Variants in JADE3 observed in about 807,000 individuals in gnomAD.
JADE3 encodes the protein protein Jade-3.
JADE3 carries 2 observed loss-of-function variants against 50.1 expected under a neutral mutation model. That is an observed-to-expected ratio of 0.04 (90% CI 0.02 to 0.13). The LOEUF is 0.13. Ranked by LOEUF, JADE3 falls within the 10% of genes least tolerant of loss-of-function variation. The pLI is 1.00. For missense variants in JADE3, 475 were observed against 634.4 expected (o/e 0.75, Z 2.70); for synonymous variants, 218 against 232.9 (o/e 0.94, Z 0.58).
Position 47,058,369 on chromosome X carries a change from G to T in JADE3, c.1764G>T (p.Met588Ile). 1 of 1,211,003 alleles carries T rather than the reference G, an allele frequency of 8.3e-7. No individual in the cohort carries two copies. The highest frequency in any genetic ancestry group is 1.1e-6 in the Non-Finnish European group (1 of 895,093). The change falls in exon 11 of 11, where the codon ATG becomes ATT. Residue 588 changes from methionine (M) to isoleucine (I), a missense_variant. Met to Ile is a conservative substitution (Grantham distance 10). Around this residue, in one of 6 missense-constraint regions of JADE3, gnomAD observed 243 missense variants for 238.2 expected, o/e 1.02. Coordinates refer to ENST00000614628, the MANE Select transcript of JADE3 (RefSeq NM_014735.5). ...AGGTGCCTCAGGAGTCACTAGAAAT[G>T]AGAACAAAATCGTATCCGAGATACC... ...NMQVPQESLE[M>I]RTKSYPRYPL...
intron 1 of JADE3, among the ~76,000 whole-genome samples, chrX:46,927,815 A>G (rs1324592257): frequency 2.7e-5 from 3 of 111,769 alleles, no homozygotes; most frequent in African/African-American, 9.8e-5. Context: ...CATAACTGCC[A>G]CATAGTATGG....
At chrX:46,979,183 A>G (rs1556352290) in intron 1 of JADE3, among the ~76,000 whole-genome samples, 1 of 112,550 alleles carries the variant, frequency 8.9e-6, no homozygotes, top group African/African-American at 3.2e-5. Flanking sequence ...GTTTCCATCT[A>G]TAATAAAAAA....
chrX:46,940,192 A>G (rs1926724769), intron 1 of JADE3, among the ~76,000 whole-genome samples: 1 of 112,725 alleles, frequency 8.9e-6, no homozygotes, highest in African/African-American at 3.2e-5. Context: ...TACTCTTTGA[A>G]TAAGTATCTT....
At chrX:46,915,770 A>AG (rs2147100032) in intron 1 of JADE3, among the ~76,000 whole-genome samples, 1 of 109,897 alleles carries the variant, frequency 9.1e-6, no homozygotes, top group East Asian at 2.8e-4. Context: ...AAAAAAAAAA[A>AG]GGGTCCTGGG....
At chrX:47,002,111 G>T (rs1383324535) in intron 4 of JADE3, among the ~76,000 whole-genome samples, 2 of 110,947 alleles carry the variant, frequency 1.8e-5, no homozygotes, top group East Asian at 5.6e-4. Context: ...TTGTGATTTT[G>T]ATGAAGTTCA....
intron 6 of JADE3, among the ~76,000 whole-genome samples, 177 bp from the exon 7 acceptor site, chrX:47,033,444 T>C (rs1363121193): frequency 9.0e-6 from 1 of 111,565 alleles, no homozygotes; most frequent in Non-Finnish European, 1.9e-5. Flanking sequence ...TTAGGAGAGA[T>C]GCTGGAAGTT....
intron 10 of JADE3, 78 bp downstream of exon 10, chrX:47,056,277 C>T: frequency 1.9e-6 from 1 of 522,633 alleles, no homozygotes; most frequent in Admixed American, 3.0e-5. Context: ...AAATTTCATG[C>T]CAGTCATTCC....
At chrX:46,983,389 C>T (rs191645774) in intron 1 of JADE3, among the ~76,000 whole-genome samples, 4 of 110,751 alleles carry the variant, frequency 3.6e-5, no homozygotes, top group Non-Finnish European at 3.8e-5. Context: ...CACAAGGTAA[C>T]GCCAGAGCAA....
At chrX:46,947,909 C>G in intron 1 of JADE3, among the ~76,000 whole-genome samples, 1 of 111,100 alleles carries the variant, frequency 9.0e-6, no homozygotes, top group Non-Finnish European at 1.9e-5. Context: ...GTTATACAAC[C>G]TGTTACTCTG....
chrX:47,050,462 A>G (rs1308229665), intron 8 of JADE3, among the ~76,000 whole-genome samples: 2 of 111,678 alleles, frequency 1.8e-5, no homozygotes, highest in Non-Finnish European at 3.8e-5. Flanking sequence ...ACCCTGTGCA[A>G]TGGAACACCA....
intron 3 of JADE3, among the ~76,000 whole-genome samples, chrX:46,988,569 C>T (rs782416783): frequency 2.7e-5 from 3 of 111,574 alleles, no homozygotes; most frequent in Non-Finnish European, 5.6e-5. Context: ...ATCAAAGTTT[C>T]CATAATGGAG....
At chrX:46,917,862 T>TTC (rs1926134720) in intron 1 of JADE3, among the ~76,000 whole-genome samples, 3 of 71,606 alleles carry the variant, frequency 4.2e-5, no homozygotes, top group Non-Finnish European at 5.1e-5. Context: ...TCTCATCCTC[T>TTC]CTCTCTCTCT....
chrX:47,006,173 A>T (rs1556360245), intron 4 of JADE3, among the ~76,000 whole-genome samples: 3 of 109,839 alleles, frequency 2.7e-5, no homozygotes, highest in Non-Finnish European at 5.7e-5. Context: ...GAAATAAGTT[A>T]AAAAAAAATA....
chrX:46,957,264 C>T (rs782532081), intron 1 of JADE3, among the ~76,000 whole-genome samples: 1 of 72,349 alleles, frequency 1.4e-5, no homozygotes, highest in African/African-American at 5.1e-5. Context: ...TAGATATAAA[C>T]GATATATAGA....
intron 7 of JADE3, among the ~76,000 whole-genome samples, chrX:47,037,317 A>G (rs1929156281): frequency 8.9e-6 from 1 of 111,928 alleles, no homozygotes; most frequent in Non-Finnish European, 1.9e-5. Flanking sequence ...CTGTTTTTCA[A>G]CAATATCATG....
In JADE3 at chrX:47,058,981, T is replaced by C. The variant is rs1929700850; in HGVS notation, c.2376T>C (p.Asp792=). The C allele has an allele frequency of 8.3e-7, 1 of 1,207,922 alleles. No homozygotes were observed. Among genetic ancestry groups the C allele is most frequent in the Admixed American group, 2.2e-5 (1 of 45,647 alleles). The change falls in exon 11 of 11, where the codon GAT becomes GAC. Residue 792 remains aspartate, a synonymous_variant. Transcript: ENST00000614628. The stretch of plus-strand genomic sequence containing the variant: ...AAGAAAAAGTCAGGGTAAGGAAAGA[T>C]AGCTCAGACAGGGAAAATCCTCCCC... ...GNKEKVRVRK[D]SSDRENPPHD...
chrX:47,026,579 G>A (rs1396724286), intron 5 of JADE3, among the ~76,000 whole-genome samples: 1 of 111,509 alleles, frequency 9.0e-6, no homozygotes, highest in Non-Finnish European at 1.9e-5. Flanking sequence ...AATTTTAAAA[G>A]AGGATTGCAG....
intron 1 of JADE3, among the ~76,000 whole-genome samples, chrX:46,962,623 A>T (rs1188702581): frequency 8.9e-6 from 1 of 111,908 alleles, no homozygotes; most frequent in African/African-American, 3.2e-5. Flanking sequence ...TTCTTAATAT[A>T]TGTCCTTAAA....
intron 1 of JADE3, among the ~76,000 whole-genome samples, chrX:46,946,456 C>T (rs912658241): frequency 4.5e-5 from 5 of 111,636 alleles, no homozygotes; most frequent in South Asian, 3.8e-4. Flanking sequence ...CAGATCTCAG[C>T]TCCCTGAAGC....
Sources: allele counts gnomAD v4.1 joint callset (sites outside exome capture counted in the v4.1 genomes callset), GRCh38; gene constraint gnomAD v4.1.1; regional missense constraint gnomAD v4.1.1; transcripts MANE v1.5; gene names NCBI Gene and HGNC (gene_info 2026-07-23, HGNC 2026-07-21).